Variants in IMMP2L observed in about 807,000 individuals in gnomAD.
IMMP2L encodes mitochondrial inner membrane protease subunit 2.
In IMMP2L, 18 loss-of-function variants were observed where a neutral mutation model predicts 19.3. The ratio of observed to expected loss-of-function variants is 0.93; its 90% confidence interval spans 0.64 to 1.38. The LOEUF (loss-of-function observed/expected upper bound fraction) is 1.38, where lower values mean the gene tolerates loss of function less well. Among genes scored for constraint, IMMP2L ranks in the 40% most tolerant of loss-of-function variants. IMMP2L has a pLI of 0.00. For missense variants in IMMP2L, 233 were observed against 218.2 expected, an observed-to-expected ratio of 1.07 and a Z score of -0.43; for synonymous variants, 76 against 73.0, an observed-to-expected ratio of 1.04 and a Z score of -0.21.
In IMMP2L at chr7:111,281,086, AAGAGAGAGAAAGAGAGAAAGAGAGAAAG is replaced by A. The variant is rs1481486670; in HGVS notation, c.239+206124_239+206151del. Among the ~76,000 whole-genome samples the A allele has an allele frequency of 5.3e-5, 7 of 132,170 alleles. 2 individuals carry two copies. The highest frequency in any genetic ancestry group is 1.9e-4 in the African/African-American group (6 of 32,272). The allele number at this position is 132,170 out of a possible 152,430, so 86.7% of individuals were successfully genotyped here. ...CTCTGAGAAAAGAAAGAAAGAAGGAAAGAGAGAGAAAGAGAGAAAGAGAGAAAGAGAGAAAGAGAGAAAGAGAGAAAGA... is the reference window on the plus strand; with the variant it reads ...CTCTGAGAAAAGAAAGAAAGAAGGAAAGAGAAAGAGAGAAAGAGAGAAAGA... On this transcript the variant is annotated intron_variant, in intron 3 of 5. Coordinates refer to ENST00000405709, the MANE Select transcript of IMMP2L (RefSeq NM_032549.4).
intron 3 of IMMP2L, among the ~76,000 whole-genome samples, chr7:111,087,037 T>A (rs1014259533): frequency 2.6e-5 from 4 of 152,236 alleles, no homozygotes; most frequent in Non-Finnish European, 5.9e-5. Context: ...GAGCTTTGGC[T>A]CTGTAAGCAG....
chr7:111,172,050 A>C (rs1422813547), intron 3 of IMMP2L, among the ~76,000 whole-genome samples: 1 of 151,384 alleles, frequency 6.6e-6, no homozygotes, highest in African/African-American at 2.4e-5. Flanking sequence ...TCAATCAAAA[A>C]AGTAGTATAT....
chr7:110,911,646 A>G (rs1813069516), intron 4 of IMMP2L, among the ~76,000 whole-genome samples: 1 of 152,146 alleles, frequency 6.6e-6, no homozygotes, highest in Non-Finnish European at 1.5e-5. Context: ...TATCAAACTC[A>G]TGGCATTGAA....
At chr7:111,032,980 C>T (rs1023661139) in intron 3 of IMMP2L, among the ~76,000 whole-genome samples, 4 of 151,958 alleles carry the variant, frequency 2.6e-5, no homozygotes, top group African/African-American at 9.7e-5. Context: ...ATTAGCTGGG[C>T]ATGGTGGCAT....
intron 3 of IMMP2L, among the ~76,000 whole-genome samples, chr7:111,004,679 C>T (rs1418950099): frequency 6.6e-6 from 1 of 152,032 alleles, no homozygotes; most frequent in East Asian, 1.9e-4. Flanking sequence ...CTTCAGTCAC[C>T]CAACCCCCTT....
Position 111,408,221 on chromosome 7 carries a change from G to A in IMMP2L, c.239+79017C>T, listed in dbSNP as rs187628799. ...TAGCGTATTTAAGATTTTCCAATAAGTGACCAACTTGCAACACTTCTGATT... is the reference window on the plus strand; with the variant it reads ...TAGCGTATTTAAGATTTTCCAATAAATGACCAACTTGCAACACTTCTGATT... On this transcript the variant is annotated intron_variant, in intron 3 of 5. Coordinates refer to ENST00000405709, the MANE Select transcript of IMMP2L (RefSeq NM_032549.4). Among the ~76,000 whole-genome samples the A allele has an allele frequency of 6.2e-4, 92 of 149,556 alleles. 6 individuals carry two copies. The highest frequency in any genetic ancestry group is 2.2e-3 in the African/African-American group (86 of 39,146).
chr7:111,508,342 G>A (rs1356687658), intron 2 of IMMP2L, among the ~76,000 whole-genome samples: 2 of 151,882 alleles, frequency 1.3e-5, no homozygotes, highest in Non-Finnish European at 2.9e-5. Context: ...ATAGAAAAAT[G>A]TTTAATTAAA....
chr7:111,448,076 C>A (rs1269011932), intron 3 of IMMP2L, among the ~76,000 whole-genome samples: 1 of 143,942 alleles, frequency 6.9e-6, no homozygotes, highest in African/African-American at 2.8e-5. Context: ...GAGTGACCTA[C>A]AAAGAGACTT....
chr7:111,200,626 T>A (rs558352383), intron 3 of IMMP2L, among the ~76,000 whole-genome samples: 1 of 151,976 alleles, frequency 6.6e-6, no homozygotes, highest in African/African-American at 2.4e-5. Context: ...CAGACACATA[T>A]ACCATTATAA....
At chr7:111,393,869 G>A (rs1832625049) in intron 3 of IMMP2L, among the ~76,000 whole-genome samples, 1 of 152,126 alleles carries the variant, frequency 6.6e-6, no homozygotes, top group African/African-American at 2.4e-5. Context: ...TTATGTACGT[G>A]TGTTTTTTTC....
chr7:110,780,154 CT>C (rs1260287717), intron 5 of IMMP2L, among the ~76,000 whole-genome samples: 9 of 151,394 alleles, frequency 5.9e-5, no homozygotes, highest in South Asian at 2.1e-4. Context: ...ATCCTGGTTC[CT>C]TTTTCTGCTT....
At chr7:111,113,709 A>G (rs1233133953) in intron 3 of IMMP2L, among the ~76,000 whole-genome samples, 1 of 152,098 alleles carries the variant, frequency 6.6e-6, no homozygotes, top group Non-Finnish European at 1.5e-5. Flanking sequence ...GAGGGTCTAC[A>G]TGAGACACAC....
At chr7:111,418,674 A>G (rs1051308554) in intron 3 of IMMP2L, among the ~76,000 whole-genome samples, 1 of 151,854 alleles carries the variant, frequency 6.6e-6, no homozygotes, top group Admixed American at 6.6e-5. Flanking sequence ...CTTTTCTTTG[A>G]GTAAACAATA....
At chr7:111,006,728 C>A (rs956921042) in intron 3 of IMMP2L, among the ~76,000 whole-genome samples, 4 of 152,038 alleles carry the variant, frequency 2.6e-5, no homozygotes, top group African/African-American at 9.7e-5. Context: ...CAGGCTCTCA[C>A]CTTTTGCGTC....
chr7:111,525,071 G>A (rs1402046142), intron 1 of IMMP2L, among the ~76,000 whole-genome samples: 1 of 152,076 alleles, frequency 6.6e-6, no homozygotes, highest in Non-Finnish European at 1.5e-5. Context: ...GAGTGATAAG[G>A]GTCAATCTGA....
chr7:111,311,072 G>A (rs1355800931), intron 3 of IMMP2L, among the ~76,000 whole-genome samples: 9 of 152,064 alleles, frequency 5.9e-5, no homozygotes, highest in African/African-American at 2.2e-4. Context: ...CTCCTGGATG[G>A]GAGAACAGTT....
chr7:111,514,529 A>G (rs994581892), intron 2 of IMMP2L, among the ~76,000 whole-genome samples: 6 of 152,140 alleles, frequency 3.9e-5, no homozygotes, highest in African/African-American at 1.4e-4. Context: ...AAAAATATAT[A>G]TATATCATGT....
chr7:111,445,383 C>G (rs1305276469), intron 3 of IMMP2L, among the ~76,000 whole-genome samples: 2 of 151,682 alleles, frequency 1.3e-5, no homozygotes, highest in African/African-American at 4.8e-5. Flanking sequence ...TCCCCCTTTC[C>G]TAGAAGAATG....
intron 3 of IMMP2L, among the ~76,000 whole-genome samples, chr7:111,291,222 A>G (rs936725790): frequency 2.0e-5 from 3 of 151,652 alleles, no homozygotes; most frequent in Non-Finnish European, 2.9e-5. Flanking sequence ...CTTTTGAGGG[A>G]AAAAAAAAGT....
Sources: gnomAD v4.1 joint callset for allele counts (sites outside exome capture counted in the v4.1 genomes callset) on GRCh38, gnomAD v4.1.1 for gene constraint, MANE v1.5 for transcripts, NCBI Gene and HGNC (gene_info 2026-07-23, HGNC 2026-07-21) for gene names.